The following CDIN1 variants were observed in gnomAD, a reference collection of about 807,000 sequenced individuals.
The protein encoded by CDIN1 is CDAN1 interacting nuclease 1, also known as CDAN1-interacting nuclease 1.
A neutral mutation model predicts 45.3 loss-of-function variants in CDIN1; 33 were observed. The observed-to-expected ratio is 0.73, with a 90% CI of 0.55 to 0.97. CDIN1 has a LOEUF of 0.97. CDIN1 is among the 50% of genes least tolerant of loss of function. CDIN1 has a pLI of 0.00. For missense variants in CDIN1, 303 were observed against 339.4 expected, an observed-to-expected ratio of 0.89 and a Z score of 0.84; for synonymous variants, 118 against 124.4, an observed-to-expected ratio of 0.95 and a Z score of 0.34.
At chr15:36,592,447 C>G (rs1566816569) in intron 1 of CDIN1, among the ~76,000 whole-genome samples, 1 of 152,224 alleles carries the variant, frequency 6.6e-6, no homozygotes, top group Non-Finnish European at 1.5e-5. Context: ...TATCGCCAGT[C>G]TGAGACTTTT....
chr15:36,803,900 G>T (rs2055134605), intron 10 of CDIN1, among the ~76,000 whole-genome samples: 1 of 152,194 alleles, frequency 6.6e-6, no homozygotes, highest in South Asian at 2.1e-4. Flanking sequence ...AATGCCCTAG[G>T]TGTGGCTTAA....
intron 8 of CDIN1, among the ~76,000 whole-genome samples, chr15:36,701,291 C>T (rs1283192609): frequency 1.3e-5 from 2 of 152,100 alleles, no homozygotes; most frequent in Non-Finnish European, 2.9e-5. Flanking sequence ...CATCCCATTA[C>T]CTCTGCTAAG....
At chr15:36,634,698 C>G (rs1447266103) in intron 1 of CDIN1, among the ~76,000 whole-genome samples, 2 of 152,106 alleles carry the variant, frequency 1.3e-5, no homozygotes, top group Admixed American at 6.5e-5. Flanking sequence ...TCTTGATGCT[C>G]TTATTTCGTT....
chr15:36,777,697 G>A lies in CDIN1; in HGVS notation c.717-30627G>A, dbSNP rs148554646. ...CCAGTCTCGTCTCACTGCAACCTCC[G>A]CCTCCCAGGCTCAAGCAATCCTCCC... is the stretch of plus-strand genomic sequence containing the variant. On this transcript the variant is annotated intron_variant, in intron 10 of 10. Transcript: ENST00000566621. 4.6e-3 allele frequency among the ~76,000 whole-genome samples: 693 copies of A among 152,154 alleles called. 3 individuals carry two copies. Among genetic ancestry groups the A allele is most frequent in the African/African-American group, 0.016 (657 of 41,520 alleles).
intron 1 of CDIN1, among the ~76,000 whole-genome samples, chr15:36,609,000 G>C (rs1416117614): frequency 6.6e-6 from 1 of 151,948 alleles, no homozygotes; most frequent in Non-Finnish European, 1.5e-5. Context: ...TAGATAGATA[G>C]ATAGATAGAT....
chr15:36,619,732 T>C (rs1249165094), intron 1 of CDIN1, among the ~76,000 whole-genome samples: 1 of 152,158 alleles, frequency 6.6e-6, no homozygotes, highest in African/African-American at 2.4e-5. Flanking sequence ...GAAATTACTT[T>C]TTAAAATCTA....
intron 1 of CDIN1, among the ~76,000 whole-genome samples, chr15:36,600,907 A>G (rs1039219597): frequency 2.0e-5 from 3 of 152,158 alleles, no homozygotes; most frequent in African/African-American, 7.2e-5. Context: ...TTTTCAATCC[A>G]TTTTTATGTC....
At chr15:36,643,280 C>A (rs904791593) in intron 1 of CDIN1, among the ~76,000 whole-genome samples, 1 of 151,984 alleles carries the variant, frequency 6.6e-6, no homozygotes, top group Non-Finnish European at 1.5e-5. Context: ...GATGACGACA[C>A]CTAGACAATG....
At chr15:36,618,680 A>T (rs1174015407) in intron 1 of CDIN1, 1 of 812,080 alleles carries the variant, frequency 1.2e-6, no homozygotes, top group East Asian at 2.4e-5. Context: ...GAGCAGACAG[A>T]ATGCACTTCT....
chr15:36,714,839 T>C (rs924762339), intron 10 of CDIN1, among the ~76,000 whole-genome samples: 18 of 152,198 alleles, frequency 1.2e-4, no homozygotes, highest in African/African-American at 4.1e-4. Context: ...GCCCTGGGAA[T>C]GGTCTTGGGG....
intron 1 of CDIN1, among the ~76,000 whole-genome samples, chr15:36,630,437 A>T (rs149694110): frequency 9.7e-4 from 147 of 152,320 alleles, no homozygotes; most frequent in African/African-American, 3.3e-3. Context: ...AGAAGTTACC[A>T]ATCAGTTTAC....
At chr15:36,616,520 G>C (rs2038899568) in intron 1 of CDIN1, among the ~76,000 whole-genome samples, 1 of 152,038 alleles carries the variant, frequency 6.6e-6, no homozygotes, top group South Asian at 2.1e-4. Context: ...GACCTCAGGT[G>C]ATCCACCCGC....
At chr15:36,751,211 C>CAT (rs901060773) in intron 10 of CDIN1, among the ~76,000 whole-genome samples, 3 of 83,412 alleles carry the variant, frequency 3.6e-5, no homozygotes, top group African/African-American at 1.5e-4. Flanking sequence ...TTGATAAAAG[C>CAT]ATATATATAT....
At chr15:36,768,112 C>G (rs868020800) in intron 10 of CDIN1, among the ~76,000 whole-genome samples, 1 of 152,164 alleles carries the variant, frequency 6.6e-6, no homozygotes, top group Non-Finnish European at 1.5e-5. Flanking sequence ...ATAGATTTCA[C>G]GGACAGCCAG....
At chr15:36,614,294 A>T (rs2038784470) in intron 1 of CDIN1, 1 of 582,442 alleles carries the variant, frequency 1.7e-6, no homozygotes, top group Admixed American at 1.9e-5. Flanking sequence ...CTGAGGGCCG[A>T]TCTTTAACTG....
intron 1 of CDIN1, among the ~76,000 whole-genome samples, chr15:36,604,712 G>A (rs998168123): frequency 6.6e-6 from 1 of 151,922 alleles, no homozygotes; most frequent in Admixed American, 6.6e-5. Flanking sequence ...TTCCAATTAT[G>A]TTTTCAAAAG....
intron 10 of CDIN1, among the ~76,000 whole-genome samples, chr15:36,744,350 ATC>A (rs1442781965): frequency 9.2e-5 from 14 of 152,194 alleles, no homozygotes; most frequent in African/African-American, 3.4e-4. Context: ...GGTTCTGAAT[ATC>A]TCTCTAGCTG....
At chr15:36,738,425 G>T (rs991418934) in intron 10 of CDIN1, among the ~76,000 whole-genome samples, 1 of 151,960 alleles carries the variant, frequency 6.6e-6, no homozygotes, top group African/African-American at 2.4e-5. Context: ...GCCACTTCTT[G>T]CAGTGGTTCC....
At chr15:36,620,244 G>C in intron 1 of CDIN1, among the ~76,000 whole-genome samples, 1 of 152,086 alleles carries the variant, frequency 6.6e-6, no homozygotes, top group East Asian at 1.9e-4. Context: ...CCAGCTACCC[G>C]GGAGGCTGAG....
Sources: gnomAD v4.1 joint callset for allele counts (sites outside exome capture counted in the v4.1 genomes callset) on GRCh38, gnomAD v4.1.1 for gene constraint, MANE v1.5 for transcripts, NCBI Gene and HGNC (gene_info 2026-07-23, HGNC 2026-07-21) for gene names.